Variants in RBM4B observed in about 807,000 individuals in gnomAD.
RBM4B encodes the protein RNA-binding protein 4B.
A neutral mutation model predicts 28.5 loss-of-function variants in RBM4B; 13 were observed. The observed-to-expected ratio is 0.46, with a 90% CI of 0.30 to 0.72. RBM4B has a LOEUF of 0.72. RBM4B is among the 30% of genes least tolerant of loss of function. The pLI is 0.09. For synonymous variants in RBM4B, 167 were observed against 179.1 expected, an observed-to-expected ratio of 0.93 and a Z score of 0.54; for missense variants, 387 against 477.6, an observed-to-expected ratio of 0.81 and a Z score of 1.77.
intron 2 of RBM4B, chr11:66,671,022 A>G: frequency 2.8e-6 from 2 of 702,632 alleles, no homozygotes; most frequent in Non-Finnish European, 2.6e-6. Flanking sequence ...CAGCCAGAAC[A>G]GTGCCATGCA....
intron 2 of RBM4B, 22 bp from the exon 3 acceptor site, chr11:66,669,313 A>T (rs906236610): frequency 5.6e-6 from 9 of 1,599,034 alleles, no homozygotes; most frequent in Non-Finnish European, 7.7e-6. Context: ...AGATGTAAGA[A>T]GATTTATTTT....
At chr11:66,673,694 G>T (rs1380109430) in intron 2 of RBM4B, among the ~76,000 whole-genome samples, 1 of 152,110 alleles carries the variant, frequency 6.6e-6, no homozygotes, top group African/African-American at 2.4e-5. Context: ...CCTGACCTTA[G>T]GTGATCCACC....
rs774153147 is a variant in RBM4B, at chr11:66,676,583, C to T, written c.412+85G>A. The T allele has an allele frequency of 4.4e-5, 65 of 1,460,780 alleles. 3 individuals are homozygous for T. In the South Asian group the frequency reaches 8.1e-4, roughly 18 times the overall value. 90.5% of individuals were successfully genotyped at this position (1,460,780 alleles called of 1,614,324 possible). A position where few individuals can be genotyped will look rare whatever the true frequency, so the allele number is the denominator to read the frequency against. ...AGCTAAAACAGAATGGAAGAGACCACCCAGCAAGTTCTATAGTCTTGTGTT... is the reference window on the plus strand; with the variant it reads ...AGCTAAAACAGAATGGAAGAGACCATCCAGCAAGTTCTATAGTCTTGTGTT... On this transcript the variant is annotated intron_variant, in intron 2 of 3. Coordinates refer to ENST00000310046, the MANE Select transcript of RBM4B (RefSeq NM_031492.4).
intron 2 of RBM4B, among the ~76,000 whole-genome samples, chr11:66,674,821 T>TG (rs1939592163): frequency 6.6e-6 from 1 of 152,144 alleles, no homozygotes; most frequent in Admixed American, 6.5e-5. Context: ...CCACCCGCCT[T>TG]GGCCTCCCAA....
chr11:66,666,248 G>T, intron 3 of RBM4B: 1 of 1,030,970 alleles, frequency 9.7e-7, no homozygotes, highest in Non-Finnish European at 1.2e-6. Context: ...ACCAATGGCT[G>T]GGGGAAAAAA....
intron 2 of RBM4B, chr11:66,670,975 T>C (rs776679320): frequency 1.4e-6 from 1 of 702,572 alleles, no homozygotes; most frequent in South Asian, 1.5e-5. Context: ...AGCCTTGTGC[T>C]CCACCATCCT....
rs376000350 is a variant in RBM4B, at chr11:66,677,083, G to A, written c.-4C>T. The A allele has an allele frequency of 6.1e-5, 99 of 1,612,120 alleles. No individual in the cohort carries two copies. The highest frequency in any genetic ancestry group is 5.2e-4 in the South Asian group (47 of 91,052). On this transcript the variant is annotated 5_prime_UTR_variant, in exon 2 of 4. Coordinates refer to ENST00000310046, the MANE Select transcript of RBM4B (RefSeq NM_031492.4). ...TTCCGATGAACAGCTTCACCATCCTGACAAGAGCCTGGGAGAGAAACACAA... is the reference window on the plus strand; with the variant it reads ...TTCCGATGAACAGCTTCACCATCCTAACAAGAGCCTGGGAGAGAAACACAA...
At chr11:66,675,584 G>T (rs1939609772) in intron 2 of RBM4B, 1 of 152,048 alleles carries the variant, frequency 6.6e-6, no homozygotes, top group African/African-American at 2.4e-5. Context: ...TTTAATAGAA[G>T]ACCCAAAAGT....
chr11:66,674,181 T>C lies in RBM4B; in HGVS notation c.412+2487A>G, dbSNP rs549735125. Among the ~76,000 whole-genome samples the C allele has an allele frequency of 3.3e-5, 5 of 151,672 alleles. No homozygotes were observed. In the South Asian group the frequency reaches 6.2e-4, roughly 19 times the overall value. On this transcript the variant is annotated intron_variant, in intron 2 of 3. Transcript: ENST00000310046. Reference sequence around the variant, plus strand: ...CCAATTAACTGATTTTTTTTTCTTTTTTTTTTTTTTTTATTAACTTCAGGT... The same window carrying C: ...CCAATTAACTGATTTTTTTTTCTTTCTTTTTTTTTTTTATTAACTTCAGGT...
Position 66,665,558 on chromosome 11 carries a change from T to G in RBM4B, c.*30A>C, listed in dbSNP as rs1939193326. 1 of 1,531,254 alleles carries G rather than the reference T, an allele frequency of 6.5e-7. No individual in the cohort carries two copies. The highest frequency in any genetic ancestry group is 8.8e-7 in the Non-Finnish European group (1 of 1,142,716). 94.9% of individuals were successfully genotyped at this position (1,531,254 alleles called of 1,614,324 possible). ...CTCATATATGACCGCAGCCCGAGGGTTCAGTCCGCAATTATCCTACCTGAA... is the reference window on the plus strand; with the variant it reads ...CTCATATATGACCGCAGCCCGAGGGGTCAGTCCGCAATTATCCTACCTGAA... On this transcript the variant is annotated 3_prime_UTR_variant, in exon 4 of 4. Transcript: ENST00000310046.
At chr11:66,670,920 T>C in intron 2 of RBM4B, 1 of 702,546 alleles carries the variant, frequency 1.4e-6, no homozygotes, top group Non-Finnish European at 2.6e-6. Flanking sequence ...AGCAAGTTGC[T>C]CTCTCTTTAA....
At chr11:66,665,706 A>T (rs1939203044) in intron 3 of RBM4B, 128 bp from the exon 4 acceptor site, 1 of 1,446,864 alleles carries the variant, frequency 6.9e-7, no homozygotes, top group Non-Finnish European at 9.3e-7. Flanking sequence ...ACCAAGTCAG[A>T]CTGGATCTAA....
rs1565092355 is a variant in RBM4B at position 66,668,600 on chromosome 11, C to T, written c.*9+15G>A. 2 of 1,576,906 alleles carry T rather than the reference C, an allele frequency of 1.3e-6. No homozygotes were observed. The highest frequency in any genetic ancestry group is 1.3e-5 in the African/African-American group (1 of 74,328). ...ACTAAATGGAATCTTTTAACCATTC[C>T]CACCCATCTCTCACCTCCAGTTTTT... is the stretch of plus-strand genomic sequence containing the variant. On this transcript the variant is annotated intron_variant, in intron 3 of 3. Transcript: ENST00000310046.
At chr11:66,673,262 T>C (rs1939527748) in intron 2 of RBM4B, among the ~76,000 whole-genome samples, 1 of 152,150 alleles carries the variant, frequency 6.6e-6, no homozygotes, top group African/African-American at 2.4e-5. Context: ...ATAGCTTCTT[T>C]AGGTCTTCCA....
intron 2 of RBM4B, chr11:66,676,235 C>T (rs148547920): frequency 0.011 from 2,204 of 201,538 alleles, 22 homozygotes; most frequent in Middle Eastern, 0.022. Flanking sequence ...TCTTCTTTCC[C>T]ACCAGTATCC....
intron 2 of RBM4B, among the ~76,000 whole-genome samples, chr11:66,672,267 G>T (rs1939482026): frequency 6.6e-6 from 1 of 151,258 alleles, no homozygotes; most frequent in Non-Finnish European, 1.5e-5. Context: ...AACATTAGCT[G>T]GGCATGGTGG....
intron 3 of RBM4B, chr11:66,665,936 T>C (rs1349547310): frequency 6.5e-6 from 10 of 1,535,144 alleles, no homozygotes; most frequent in African/African-American, 2.7e-5. Flanking sequence ...CAATTTAATT[T>C]TGGAGTCCAG....
intron 2 of RBM4B, chr11:66,676,410 A>G (rs1271065047): frequency 5.2e-6 from 3 of 575,766 alleles, no homozygotes; most frequent in South Asian, 2.4e-5. Flanking sequence ...ACTCGAATCA[A>G]TGCAAGAATC....
At chr11:66,666,324 G>A in intron 3 of RBM4B, 3 of 1,026,486 alleles carry the variant, frequency 2.9e-6, no homozygotes, top group Non-Finnish European at 3.5e-6. Context: ...GTCTTGATCT[G>A]TGCCAATCGA....
Sources: allele counts gnomAD v4.1 joint callset (sites outside exome capture counted in the v4.1 genomes callset), GRCh38; gene constraint gnomAD v4.1.1; transcripts MANE v1.5; gene names NCBI Gene and HGNC (gene_info 2026-07-23, HGNC 2026-07-21).